The following GPR139 variants were observed in gnomAD, a reference collection of about 807,000 sequenced individuals.
GPR139 encodes probable G protein-coupled receptor 139.
In GPR139, 12 loss-of-function variants were observed where a neutral mutation model predicts 25.8. The observed-to-expected ratio is 0.47, with a 90% CI of 0.30 to 0.75. The LOEUF (loss-of-function observed/expected upper bound fraction) is 0.75. Among genes scored for constraint, GPR139 ranks in the 30% least tolerant of loss-of-function variants. The pLI, the probability that GPR139 is intolerant of heterozygous loss-of-function variation, is 0.07. For missense variants in GPR139, 380 were observed against 450.2 expected, an observed-to-expected ratio of 0.84 and a Z score of 1.41; for synonymous variants, 184 against 179.9, an observed-to-expected ratio of 1.02 and a Z score of -0.18.
In GPR139 at chr16:20,052,788, C is replaced by CAA. The variant is rs56189908; in HGVS notation, c.128-20121_128-20120dup. ...TGGGTGACAGAGCAAGACTCCATCTCAAAAAAAAAAAAAAAAGCTTCCATT... is the reference window on the plus strand; with the variant it reads ...TGGGTGACAGAGCAAGACTCCATCTCAAAAAAAAAAAAAAAAAAGCTTCCATT... On this transcript the variant is annotated intron_variant, in intron 1 of 1. Coordinates refer to ENST00000570682, the MANE Select transcript of GPR139 (RefSeq NM_001002911.4). Among the ~76,000 whole-genome samples the CAA allele has an allele frequency of 2.0e-3, 248 of 121,978 alleles. 1 individual carries two copies. Among genetic ancestry groups the CAA allele is most frequent in the African/African-American group, 6.0e-3 (216 of 36,032 alleles). The allele number at this position is 121,978 out of a possible 152,430, so 80.0% of individuals were successfully genotyped here.
At chr16:20,051,523 C>A (rs1224515139) in intron 1 of GPR139, among the ~76,000 whole-genome samples, 2 of 152,194 alleles carry the variant, frequency 1.3e-5, no homozygotes, top group African/African-American at 4.8e-5. Context: ...ACAGGCCATG[C>A]CCAGAGGACA....
At chr16:20,060,683 G>A (rs16969486) in intron 1 of GPR139, among the ~76,000 whole-genome samples, 42,417 of 152,044 alleles carry the variant, frequency 0.28, 6,771 homozygotes, top group South Asian at 0.45. Context: ...CCCAACTCAG[G>A]GTCAATTTAC....
Position 20,073,194 on chromosome 16 carries a change from C to G in GPR139, c.127+296G>C, listed in dbSNP as rs138553459. On this transcript the variant is annotated intron_variant, in intron 1 of 1. Coordinates refer to ENST00000570682, the MANE Select transcript of GPR139 (RefSeq NM_001002911.4). This position sits in a 1 kb window ranked among gnomAD's most constrained non-coding sequence, Gnocchi z 4.7. ...AAGCCGCCCCCTCCAGATGCGCGCA[C>G]AAATGCACCTTCGAATCCATGCTCA... Among the ~76,000 whole-genome samples, 1 of 151,766 alleles carries G rather than the reference C, an allele frequency of 6.6e-6. No individual in the cohort carries two copies. The highest frequency in any genetic ancestry group is 2.4e-5 in the African/African-American group (1 of 41,374).
chr16:20,062,144 G>A lies in GPR139; in HGVS notation c.127+11346C>T, dbSNP rs964392934. 3.9e-5 allele frequency among the ~76,000 whole-genome samples: 6 copies of A among 152,300 alleles called. No individual in the cohort carries two copies. In the East Asian group the frequency reaches 7.7e-4, roughly 20 times the overall value. On this transcript the variant is annotated intron_variant, in intron 1 of 1. Coordinates refer to ENST00000570682, the MANE Select transcript of GPR139 (RefSeq NM_001002911.4). Reference sequence around the variant, plus strand: ...TAAAAAAGGACATTGTATTAGAACAGTGTTCCCCAGACTTTAGTGACTGTC... The same window carrying A: ...TAAAAAAGGACATTGTATTAGAACAATGTTCCCCAGACTTTAGTGACTGTC...
chr16:20,047,055 CT>C (rs2057356579), intron 1 of GPR139, among the ~76,000 whole-genome samples: 8 of 151,996 alleles, frequency 5.3e-5, no homozygotes, highest in Admixed American at 5.2e-4. Context: ...ACAAAACAAA[CT>C]TTAGTCAGTG....
chr16:20,045,920 G>C (rs532170089), intron 1 of GPR139, among the ~76,000 whole-genome samples: 2 of 152,284 alleles, frequency 1.3e-5, no homozygotes, highest in East Asian at 3.9e-4. Context: ...GCTGTTTTGT[G>C]GACACAGGGG....
chr16:20,032,434 C>T lies in GPR139; in HGVS notation c.363G>A (p.Pro121=), dbSNP rs748486913. The change falls in exon 2 of 2, where the codon CCG becomes CCA. Residue 121 remains proline (P), a synonymous_variant. Coordinates refer to ENST00000570682, the MANE Select transcript of GPR139 (RefSeq NM_001002911.4). ...CAGCGATATACCTGTCAATGGTTAA[C>T]GGTACAGTAATCCATATGGAGGTGT... ...SIHTSIWITV[P]LTIDRYIAVC... 42 of 1,614,034 alleles carry T rather than the reference C, an allele frequency of 2.6e-5. No homozygotes were observed. Among genetic ancestry groups the T allele is most frequent in the Non-Finnish European group, 3.1e-5 (37 of 1,180,034 alleles).
chr16:20,044,549 G>C (rs1398315354), intron 1 of GPR139, among the ~76,000 whole-genome samples: 2 of 152,172 alleles, frequency 1.3e-5, no homozygotes, highest in African/African-American at 4.8e-5. Flanking sequence ...TCTCCAGGGA[G>C]AGTGAATGGC....
intron 1 of GPR139, among the ~76,000 whole-genome samples, chr16:20,063,388 G>A (rs555078256): frequency 3.3e-5 from 5 of 152,222 alleles, no homozygotes; most frequent in African/African-American, 1.2e-4. Flanking sequence ...TGTAGTCCTA[G>A]CTACTCAGGA....
In GPR139 at chr16:20,053,498, TGCA is replaced by T. The variant is rs1428684980; in HGVS notation, c.127+19989_127+19991del. ...AGGAAGTGTGAAAGCATGCTGTGTT[TGCA>T]GAACTGTAAAACGACAGGCTTGGCT... On this transcript the variant is annotated intron_variant, in intron 1 of 1. Coordinates refer to ENST00000570682, the MANE Select transcript of GPR139 (RefSeq NM_001002911.4). Among the ~76,000 whole-genome samples the T allele has an allele frequency of 2.0e-5, 3 of 152,342 alleles. No homozygotes were observed. In the East Asian group the frequency reaches 5.8e-4, roughly 29 times the overall value.
chr16:20,070,931 C>T lies in GPR139; in HGVS notation c.127+2559G>A, dbSNP rs139954406. The T allele has an allele frequency of 3.7e-4, 368 of 985,370 alleles. 5 individuals carry two copies. The African/African-American group carries it at 5.9e-3, about 16-fold the overall frequency. The allele number at this position is 985,370 out of a possible 1,614,324, so 61.0% of individuals were successfully genotyped here. ...GCAGAGTTACATGCTGACCTGAATG[C>T]TTTCTTCTGTGTATCTCAGTCCCTC... On this transcript the variant is annotated intron_variant, in intron 1 of 1. Transcript: ENST00000570682.
chr16:20,052,282 GACAAAACAC>G (rs1185034596), intron 1 of GPR139, among the ~76,000 whole-genome samples: 1 of 152,154 alleles, frequency 6.6e-6, no homozygotes, highest in Admixed American at 6.5e-5. Context: ...TCTTGCCTAT[GACAAAACAC>G]ACTAACTTCC....
intron 1 of GPR139, among the ~76,000 whole-genome samples, chr16:20,047,864 A>G (rs1268164564): frequency 6.6e-6 from 1 of 152,188 alleles, no homozygotes; most frequent in African/African-American, 2.4e-5. Flanking sequence ...TCATCTATGA[A>G]AAGTATGCTG....
rs187533779 is a variant in GPR139, at chr16:20,072,663, A to G, written c.127+827T>C. 9.9e-5 allele frequency among the ~76,000 whole-genome samples: 15 copies of G among 152,216 alleles called. No individual in the cohort carries two copies. In the East Asian group the frequency reaches 2.7e-3, roughly 28 times the overall value. On this transcript the variant is annotated intron_variant, in intron 1 of 1. Transcript: ENST00000570682. ...AGCACTCCCTCCTTCTCGGCAGCTCAGCTCTCTTCAGGAATTCAGGACAAG... is the reference window on the plus strand; with the variant it reads ...AGCACTCCCTCCTTCTCGGCAGCTCGGCTCTCTTCAGGAATTCAGGACAAG...
At chr16:20,036,069 C>T (rs2141201326) in intron 1 of GPR139, among the ~76,000 whole-genome samples, 1 of 152,172 alleles carries the variant, frequency 6.6e-6, no homozygotes, top group African/African-American at 2.4e-5. Flanking sequence ...ATATAAGTGG[C>T]TAAGTATTAA....
intron 1 of GPR139, among the ~76,000 whole-genome samples, chr16:20,065,281 AT>A (rs1180931755): frequency 6.6e-6 from 1 of 152,160 alleles, no homozygotes; most frequent in African/African-American, 2.4e-5. Context: ...GGATTTCTAG[AT>A]TTTTTGAACA....
At chr16:20,059,325 C>T (rs2057402402) in intron 1 of GPR139, among the ~76,000 whole-genome samples, 1 of 152,210 alleles carries the variant, frequency 6.6e-6, no homozygotes, top group Non-Finnish European at 1.5e-5. Context: ...CATCACCCAC[C>T]TAGCCCAGCC....
chr16:20,049,282 ATC>A (rs1409750785), intron 1 of GPR139, among the ~76,000 whole-genome samples: 1 of 152,162 alleles, frequency 6.6e-6, no homozygotes, highest in Non-Finnish European at 1.5e-5. Context: ...TGTGACATCC[ATC>A]TGTTTGCTGT....
In GPR139 at chr16:20,031,987, G is replaced by A; in HGVS notation, c.810C>T (p.Ala270=). The change falls in exon 2 of 2, where the codon GCC becomes GCT. Residue 270 remains alanine, a synonymous_variant. Transcript: ENST00000570682. ...RWLVHIMSDI[A]NMLALLNTAI... Reference sequence around the variant, plus strand: ...CTGTGTTCAGAAGGGCTAGCATGTTGGCAATGTCGGACATGATGTGTACCA... The same window carrying A: ...CTGTGTTCAGAAGGGCTAGCATGTTAGCAATGTCGGACATGATGTGTACCA... 6.2e-7 allele frequency: 1 copy of A among 1,614,178 alleles called. No homozygotes were observed. Among genetic ancestry groups the A allele is most frequent in the Non-Finnish European group, 8.5e-7 (1 of 1,180,038 alleles).
Sources: gnomAD v4.1 joint callset for allele counts (sites outside exome capture counted in the v4.1 genomes callset) on GRCh38, gnomAD v4.1.1 for gene constraint, Gnocchi (gnomAD v3.1) non-coding constraint, MANE v1.5 for transcripts, NCBI Gene and HGNC (gene_info 2026-07-23, HGNC 2026-07-21) for gene names.